The following CPNE4 variants were observed in gnomAD, a reference collection of about 807,000 sequenced individuals.
CPNE4 encodes the protein copine-4.
In CPNE4, 25 loss-of-function variants were observed where a neutral mutation model predicts 67.9. That is an observed-to-expected ratio of 0.37 (90% CI 0.27 to 0.51). CPNE4 has a LOEUF of 0.51. Ranked by LOEUF, CPNE4 falls within the 20% of genes least tolerant of loss-of-function variation. The pLI is 0.93. For synonymous variants in CPNE4, 242 were observed against 244.9 expected (o/e 0.99, Z 0.11); for missense variants, 464 against 690.8 (o/e 0.67, Z 3.68).
intron 1 of CPNE4, among the ~76,000 whole-genome samples, chr3:131,964,771 G>A (rs918524807): frequency 2.0e-5 from 3 of 152,070 alleles, no homozygotes; most frequent in Non-Finnish European, 4.4e-5. Context: ...AAGTGATGAG[G>A]AGAATGGAAC....
intron 1 of CPNE4, among the ~76,000 whole-genome samples, chr3:131,955,410 G>GTTTTTTGTTTTTTTTTT (rs2071919530): frequency 2.4e-5 from 1 of 42,270 alleles, no homozygotes; most frequent in African/African-American, 9.2e-5. Flanking sequence ...TGTATGTAAG[G>GTTTTTTGTTTTTTTTTT]TTTTTTTTTT....
intron 1 of CPNE4, among the ~76,000 whole-genome samples, chr3:131,953,247 A>AAAAAAAT (rs1553813385): frequency 5.4e-5 from 5 of 92,550 alleles, no homozygotes; most frequent in Non-Finnish European, 1.2e-4. Context: ...ATTAAAAAAA[A>AAAAAAAT]AAAAAAAAAA....
intron 1 of CPNE4, among the ~76,000 whole-genome samples, chr3:131,969,206 G>T (rs1482037976): frequency 6.6e-6 from 1 of 151,946 alleles, no homozygotes; most frequent in Non-Finnish European, 1.5e-5. Context: ...GGGCCTGTCA[G>T]GGAGTTGGGG....
upstream of CPNE4, among the ~76,000 whole-genome samples, chr3:132,036,799 TA>T (rs2074347174): frequency 6.6e-6 from 1 of 152,116 alleles, no homozygotes; most frequent in African/African-American, 2.4e-5. Flanking sequence ...AAAAATAATA[TA>T]AATACCTTAG....
chr3:131,853,775 G>A (rs886687770), intron 2 of CPNE4, among the ~76,000 whole-genome samples: 10 of 151,762 alleles, frequency 6.6e-5, no homozygotes, highest in African/African-American at 2.2e-4. Flanking sequence ...TATAGTAACC[G>A]ATAAGTACAT....
intron 7 of CPNE4, among the ~76,000 whole-genome samples, chr3:131,593,135 T>G (rs1219638525): frequency 1.3e-5 from 2 of 152,220 alleles, no homozygotes; most frequent in African/African-American, 2.4e-5. Flanking sequence ...TCAGTTTACT[T>G]TAAAGTAAAG....
At chr3:131,754,535 A>G (rs1465288703) in intron 2 of CPNE4, among the ~76,000 whole-genome samples, 1 of 152,198 alleles carries the variant, frequency 6.6e-6, no homozygotes, top group Non-Finnish European at 1.5e-5. Context: ...ACTATCTCTC[A>G]ATAAGTCCAA....
chr3:131,850,666 A>G (rs941073960), intron 2 of CPNE4, among the ~76,000 whole-genome samples: 1 of 152,290 alleles, frequency 6.6e-6, no homozygotes, highest in Admixed American at 6.5e-5. Flanking sequence ...ACAGCACTTT[A>G]TTAGGGACAC....
intron 3 of CPNE4, among the ~76,000 whole-genome samples, chr3:131,707,611 G>C (rs1392173659): frequency 1.3e-5 from 2 of 152,162 alleles, no homozygotes; most frequent in African/African-American, 2.4e-5. Flanking sequence ...AATCCAGACA[G>C]TCCAGTTCCA....
At chr3:131,891,414 C>A (rs2088107294) in intron 2 of CPNE4, among the ~76,000 whole-genome samples, 1 of 149,672 alleles carries the variant, frequency 6.7e-6, no homozygotes. Context: ...ACTCATCAAG[C>A]TACGAGTTTT....
intron 13 of CPNE4, among the ~76,000 whole-genome samples, chr3:131,550,384 A>G (rs1936106411): frequency 6.6e-6 from 1 of 152,036 alleles, no homozygotes; most frequent in Non-Finnish European, 1.5e-5. Flanking sequence ...TGTTATACCC[A>G]TTTTATAGGT....
chr3:131,914,406 C>G (rs138062746), intron 1 of CPNE4, among the ~76,000 whole-genome samples: 60 of 152,258 alleles, frequency 3.9e-4, no homozygotes, highest in Non-Finnish European at 7.9e-4. Flanking sequence ...GTCCCTCCCC[C>G]TCTCTGTCTC....
intron 2 of CPNE4, among the ~76,000 whole-genome samples, chr3:131,794,791 T>C (rs1453859978): frequency 6.6e-6 from 1 of 152,168 alleles, no homozygotes; most frequent in African/African-American, 2.4e-5. Flanking sequence ...TACTAGGTAG[T>C]TGAGTACCAG....
chr3:131,987,813 GCT>G (rs1398066143), intron 1 of CPNE4, among the ~76,000 whole-genome samples: 1 of 152,180 alleles, frequency 6.6e-6, no homozygotes, highest in Non-Finnish European at 1.5e-5. Flanking sequence ...CAATTCTGAT[GCT>G]CGATAGCATC....
At chr3:131,727,362 A>G (rs138726292) in intron 2 of CPNE4, among the ~76,000 whole-genome samples, 2,608 of 152,214 alleles carry the variant, frequency 0.017, 72 homozygotes, top group African/African-American at 0.049. Flanking sequence ...TTGGAGGCCG[A>G]GGAGGGTGGA....
chr3:131,748,911 T>G (rs1371577156), intron 2 of CPNE4, among the ~76,000 whole-genome samples: 5 of 127,614 alleles, frequency 3.9e-5, no homozygotes, highest in Non-Finnish European at 8.5e-5. Flanking sequence ...TTCAAACAAT[T>G]CTTTGCCTCA....
At chr3:131,912,844 G>A (rs1157623317) in intron 1 of CPNE4, among the ~76,000 whole-genome samples, 2 of 152,180 alleles carry the variant, frequency 1.3e-5, no homozygotes, top group Non-Finnish European at 2.9e-5. Context: ...TTTCAAGAGT[G>A]TGGAGTAGGG....
Position 131,947,797 on chromosome 3 carries a change from T to C in CPNE4, c.-1-42353A>G, listed in dbSNP as rs147324669. Among the ~76,000 whole-genome samples the C allele has an allele frequency of 3.8e-3, 583 of 152,202 alleles. 5 individuals carry two copies. Among genetic ancestry groups the C allele is most frequent in the African/African-American group, 0.014 (567 of 41,546 alleles). On this transcript the variant is annotated intron_variant, in intron 1 of 15. Coordinates refer to ENST00000429747, the MANE Select transcript of CPNE4 (RefSeq NM_130808.3). Reference sequence around the variant, plus strand: ...AAATGGTATTTCTGGTTCTAGGTCCTTGAGGAATTGCCACGCTCTCTTCCA... The same window carrying C: ...AAATGGTATTTCTGGTTCTAGGTCCCTGAGGAATTGCCACGCTCTCTTCCA...
At chr3:131,629,516 C>T (rs899185453) in intron 7 of CPNE4, among the ~76,000 whole-genome samples, 4 of 152,018 alleles carry the variant, frequency 2.6e-5, no homozygotes, top group Non-Finnish European at 5.9e-5. Flanking sequence ...GTGATCTTGG[C>T]TCACTGCACC....
Sources: gnomAD v4.1 joint callset for allele counts (sites outside exome capture counted in the v4.1 genomes callset) on GRCh38, gnomAD v4.1.1 for gene constraint, MANE v1.5 for transcripts, NCBI Gene and HGNC (gene_info 2026-07-23, HGNC 2026-07-21) for gene names.